PITPNC1: variants seen among roughly 807,000 people sequenced by gnomAD.
The protein encoded by PITPNC1 is phosphatidylinositol transfer protein cytoplasmic 1.
PITPNC1 carries 18 observed loss-of-function variants against 44.7 expected under a neutral mutation model. The ratio of observed to expected loss-of-function variants is 0.40; its 90% CI spans 0.28 to 0.60. The LOEUF (loss-of-function observed/expected upper bound fraction) is 0.60. PITPNC1 is among the 20% of genes least tolerant of loss of function. The pLI, the probability that PITPNC1 is intolerant of heterozygous loss-of-function variation, is 0.39. For synonymous variants in PITPNC1, 141 were observed against 149.6 expected, an observed-to-expected ratio of 0.94 and a Z score of 0.42; for missense variants, 290 against 418.4, an observed-to-expected ratio of 0.69 and a Z score of 2.68.
intron 1 of PITPNC1, among the ~76,000 whole-genome samples, chr17:67,496,458 C>T (rs2916154): frequency 0.69 from 104,761 of 152,004 alleles, 36,204 homozygotes; most frequent in South Asian, 0.78. Context: ...GGTTATTGCT[C>T]GTCTTAGTAA....
intron 1 of PITPNC1, among the ~76,000 whole-genome samples, chr17:67,383,223 C>T (rs1685847631): frequency 6.6e-6 from 1 of 152,106 alleles, no homozygotes; most frequent in Non-Finnish European, 1.5e-5. Context: ...TCTCGAACTC[C>T]TGAGAGTTCA....
In PITPNC1 at chr17:67,378,132, G is replaced by T; in HGVS notation, c.-23G>T. 1 of 1,523,524 alleles carries T rather than the reference G, an allele frequency of 6.6e-7. No homozygotes were observed. The highest frequency in any genetic ancestry group is 8.8e-7 in the Non-Finnish European group (1 of 1,135,828). 94.4% of individuals were successfully genotyped at this position (1,523,524 alleles called of 1,614,324 possible). On this transcript the variant is annotated 5_prime_UTR_variant, in exon 1 of 9. Transcript: ENST00000581322. ...GGGGGCGCCCCCCGCTTCCCGCCCC[G>T]GGGGTCCGCGGCCGGCAGGACCATG...
chr17:67,562,558 A>C (rs2040919596), intron 4 of PITPNC1, among the ~76,000 whole-genome samples: 1 of 150,500 alleles, frequency 6.6e-6, no homozygotes, highest in African/African-American at 2.4e-5. Flanking sequence ...TCCCCACTTG[A>C]GTTCTTCTTC....
intron 1 of PITPNC1, among the ~76,000 whole-genome samples, chr17:67,515,856 T>C (rs904765537): frequency 6.6e-6 from 1 of 152,256 alleles, no homozygotes; most frequent in African/African-American, 2.4e-5. Context: ...ATGAAATAAC[T>C]GTCACATCAG....
At chr17:67,490,112 C>CTGTGTGTGTGTGTG (rs71354073) in intron 1 of PITPNC1, among the ~76,000 whole-genome samples, 1 of 144,876 alleles carries the variant, frequency 6.9e-6, no homozygotes, top group Non-Finnish European at 1.5e-5. Flanking sequence ...ACAGGCTTTT[C>CTGTGTGTGTGTGTG]TGTGTGTGTG....
At chr17:67,626,562 G>T (rs1387605852) in intron 5 of PITPNC1, among the ~76,000 whole-genome samples, 3 of 152,084 alleles carry the variant, frequency 2.0e-5, no homozygotes, top group Non-Finnish European at 2.9e-5. Context: ...TAGAGATGGG[G>T]TTTCACCATG....
At chr17:67,630,383 C>T (rs1188598266) in intron 5 of PITPNC1, among the ~76,000 whole-genome samples, 1 of 152,016 alleles carries the variant, frequency 6.6e-6, no homozygotes, top group African/African-American at 2.4e-5. Context: ...TTTGGGAGGC[C>T]AAGGCGGATG....
chr17:67,392,697 T>C (rs544715488), intron 1 of PITPNC1, among the ~76,000 whole-genome samples: 3 of 152,308 alleles, frequency 2.0e-5, no homozygotes, highest in East Asian at 3.9e-4. Context: ...TCAAAGATGT[T>C]TTGCTTTGTA....
chr17:67,446,272 G>A lies in PITPNC1; in HGVS notation c.48+68070G>A, dbSNP rs146443700. Among the ~76,000 whole-genome samples the A allele has an allele frequency of 2.2e-3, 335 of 151,836 alleles. 1 individual carries two copies. The highest frequency in any genetic ancestry group is 4.0e-3 in the Non-Finnish European group (269 of 67,848). On this transcript the variant is annotated intron_variant, in intron 1 of 8. Transcript: ENST00000581322. Reference sequence around the variant, plus strand: ...CTTTGACTGATTCTTCTCTGTGTGCGCATGTCCTGAGGTCACAAGTGGTAG... The same window carrying A: ...CTTTGACTGATTCTTCTCTGTGTGCACATGTCCTGAGGTCACAAGTGGTAG...
At chr17:67,458,321 T>C (rs950795514) in intron 1 of PITPNC1, among the ~76,000 whole-genome samples, 12 of 152,228 alleles carry the variant, frequency 7.9e-5, no homozygotes, top group Non-Finnish European at 1.8e-4. Context: ...TAGATGCATA[T>C]GGACCTTCTC....
At chr17:67,643,948 C>T (rs2042118221) in intron 6 of PITPNC1, among the ~76,000 whole-genome samples, 1 of 152,124 alleles carries the variant, frequency 6.6e-6, no homozygotes, top group Non-Finnish European at 1.5e-5. Context: ...TGTCGCTTTT[C>T]CCTTGTCGGT....
intron 5 of PITPNC1, among the ~76,000 whole-genome samples, chr17:67,622,256 C>CA (rs536282843): frequency 0.45 from 40,805 of 91,408 alleles, 7,886 homozygotes; most frequent in East Asian, 0.6. Context: ...GACTGCATCT[C>CA]AAAAAAAAAA....
intron 6 of PITPNC1, among the ~76,000 whole-genome samples, chr17:67,645,604 A>C (rs2042140419): frequency 6.6e-6 from 1 of 152,144 alleles, no homozygotes; most frequent in South Asian, 2.1e-4. Flanking sequence ...GGGGGTTAGC[A>C]ATGTAAGCCT....
intron 5 of PITPNC1, among the ~76,000 whole-genome samples, chr17:67,590,158 C>T (rs556071103): frequency 6.6e-6 from 1 of 152,148 alleles, no homozygotes; most frequent in South Asian, 2.1e-4. Context: ...ATGTTTTCCC[C>T]ACTCAAAAAT....
At chr17:67,437,510 C>T (rs1329043429) in intron 1 of PITPNC1, among the ~76,000 whole-genome samples, 2 of 152,070 alleles carry the variant, frequency 1.3e-5, no homozygotes, top group Admixed American at 6.6e-5. Context: ...TGCAGAACTG[C>T]GGGAGAACAC....
intron 5 of PITPNC1, among the ~76,000 whole-genome samples, chr17:67,622,514 C>CTTTTT (rs1254933576): frequency 8.4e-6 from 1 of 118,972 alleles, no homozygotes; most frequent in Non-Finnish European, 1.7e-5. Flanking sequence ...GTAGCCTGGA[C>CTTTTT]TTTTTTTTTT....
chr17:67,656,763 A>C (rs575454467), intron 6 of PITPNC1, among the ~76,000 whole-genome samples: 7 of 152,334 alleles, frequency 4.6e-5, no homozygotes, highest in African/African-American at 1.7e-4. Context: ...GTTGAGGTTT[A>C]TAAACCTCTT....
intron 1 of PITPNC1, among the ~76,000 whole-genome samples, chr17:67,412,311 T>A (rs958323585): frequency 6.6e-6 from 1 of 152,024 alleles, no homozygotes; most frequent in Non-Finnish European, 1.5e-5. Flanking sequence ...ATGAGAAACA[T>A]GGGGGTCAAA....
intron 1 of PITPNC1, chr17:67,379,419 A>T (rs1294584590): frequency 3.1e-6 from 3 of 968,970 alleles, no homozygotes; most frequent in Non-Finnish European, 3.7e-6. Context: ...ATCCAAGACA[A>T]GATCAAAGTA....
Sources: allele counts gnomAD v4.1 joint callset (sites outside exome capture counted in the v4.1 genomes callset), GRCh38; gene constraint gnomAD v4.1.1; transcripts MANE v1.5; gene names NCBI Gene and HGNC (gene_info 2026-07-23, HGNC 2026-07-21).